Variants in FAM78A observed in about 807,000 individuals in gnomAD.
The protein encoded by FAM78A is protein FAM78A.
In FAM78A, 12 loss-of-function variants were observed where a neutral mutation model predicts 22.6. The ratio of observed to expected loss-of-function variants is 0.53; its 90% CI spans 0.34 to 0.86. The LOEUF (loss-of-function observed/expected upper bound fraction) is 0.86, where lower values mean the gene tolerates loss of function less well. Among genes scored for constraint, FAM78A ranks in the 40% least tolerant of loss-of-function variants. The pLI, the probability that FAM78A is intolerant of heterozygous loss-of-function variation, is 0.02. For missense variants in FAM78A, 322 were observed against 396.1 expected, an observed-to-expected ratio of 0.81 and a Z score of 1.59; for synonymous variants, 151 against 155.8, an observed-to-expected ratio of 0.97 and a Z score of 0.23.
At position 131,261,032 on chromosome 9, in the gene FAM78A, C is replaced by A; in HGVS notation, c.642G>T (p.Gln214His). 6.2e-7 allele frequency: 1 copy of A among 1,614,114 alleles called. No homozygotes were observed. The highest frequency in any genetic ancestry group is 1.7e-5 in the Admixed American group (1 of 60,016). The change falls in exon 2 of 2, where the codon CAG (glutamine) becomes CAT (histidine). Residue 214 changes from glutamine to histidine, a missense_variant. Coordinates refer to ENST00000372271, the MANE Select transcript of FAM78A (RefSeq NM_033387.4). This position sits in a 1 kb window ranked among gnomAD's most constrained non-coding sequence, Gnocchi z 7.1. ...GGTTGGGGTTCACCTCGATGCTGAG[C>A]TGCATGCGCCAGTGCAGCGTCTGCA... is the stretch of plus-strand genomic sequence containing the variant. Reference protein sequence around the residue: ...IILQTLHWRMQLSIEVNPNRP... With the variant: ...IILQTLHWRMHLSIEVNPNRP...
chr9:131,278,972 G>C (rs1183342709), upstream of FAM78A, among the ~76,000 whole-genome samples: 1 of 152,246 alleles, frequency 6.6e-6, no homozygotes, highest in Non-Finnish European at 1.5e-5. Context: ...TCCTTTGAGG[G>C]GTTAACAACC....
At chr9:131,273,575 A>G (rs1835444837) in intron 1 of FAM78A, among the ~76,000 whole-genome samples, 1 of 152,258 alleles carries the variant, frequency 6.6e-6, no homozygotes, top group Non-Finnish European at 1.5e-5. Context: ...ACTGCTTTAA[A>G]AAGTTTTAAA....
intron 1 of FAM78A, among the ~76,000 whole-genome samples, chr9:131,273,609 C>G (rs140200488): frequency 6.6e-6 from 1 of 152,326 alleles, no homozygotes; most frequent in Non-Finnish European, 1.5e-5. Flanking sequence ...CCCTACGTGA[C>G]AGAGAAAGAC....
intron 1 of FAM78A, among the ~76,000 whole-genome samples, chr9:131,267,958 A>G (rs1309242398): frequency 6.6e-6 from 1 of 151,338 alleles, no homozygotes; most frequent in African/African-American, 2.4e-5. Context: ...AGGTTGAGGC[A>G]GGAGAATGGC....
chr9:131,274,529 G>A lies in FAM78A; in HGVS notation c.323+1328C>T, dbSNP rs78510087. ...AGAAATCAGGCTGGTGGAGAGGGCC[G>A]GTGAGAGCCTCTAGATGTGCCCCCC... On this transcript the variant is annotated intron_variant, in intron 1 of 1. Coordinates refer to ENST00000372271, the MANE Select transcript of FAM78A (RefSeq NM_033387.4). This position sits in a 1 kb window ranked among gnomAD's most constrained non-coding sequence, Gnocchi z 4.2. Among the ~76,000 whole-genome samples the A allele has an allele frequency of 5.0e-3, 768 of 152,290 alleles. 12 individuals are homozygous for A. Among genetic ancestry groups the A allele is most frequent in the African/African-American group, 0.018 (738 of 41,542 alleles).
chr9:131,268,208 G>C (rs968321596), intron 1 of FAM78A, among the ~76,000 whole-genome samples: 13 of 152,172 alleles, frequency 8.5e-5, no homozygotes, highest in African/African-American at 2.9e-4. Flanking sequence ...TTTATAATCT[G>C]ATAAAATTTG....
In FAM78A at chr9:131,270,999, G is replaced by GCCTTTTTTTTTTTT. The variant is rs1311041330; in HGVS notation, c.323+4857_323+4858insAAAAAAAAAAAAGG. ...ACCCCTGCCCTGTCCTTTCCCACCAGTCTTTTTTTTTTTTTTTTTTTTTTG... is the reference window on the plus strand; with the variant it reads ...ACCCCTGCCCTGTCCTTTCCCACCAGCCTTTTTTTTTTTTTCTTTTTTTTTTTTTTTTTTTTTTG... On this transcript the variant is annotated intron_variant, in intron 1 of 1. Transcript: ENST00000372271. Among the ~76,000 whole-genome samples the GCCTTTTTTTTTTTT allele has an allele frequency of 3.0e-5, 4 of 131,964 alleles. 2 individuals are homozygous for GCCTTTTTTTTTTTT. The highest frequency in any genetic ancestry group is 1.2e-4 in the African/African-American group (4 of 34,312). The allele number at this position is 131,964 out of a possible 152,430, so 86.6% of individuals were successfully genotyped here.
In FAM78A at chr9:131,258,934, C is replaced by CAGT. The variant is rs1835223602; in HGVS notation, c.*1887_*1888insACT. 1 of 152,536 alleles carries CAGT rather than the reference C, an allele frequency of 6.6e-6. No individual in the cohort carries two copies. The highest frequency in any genetic ancestry group is 1.5e-5 in the Non-Finnish European group (1 of 68,040). 9.4% of individuals were successfully genotyped at this position (152,536 alleles called of 1,614,324 possible). A position where few individuals can be genotyped will look rare whatever the true frequency, so the allele number is the denominator to read the frequency against. ...CCAGCCCAGTGTGTCCCAGGACAGC[C>CAGT]TCCTGGCACGAGCTGGGCCCGGAGA... is the stretch of plus-strand genomic sequence containing the variant. On this transcript the variant is annotated 3_prime_UTR_variant, in exon 2 of 2. Transcript: ENST00000372271.
chr9:131,260,585 A>G lies in FAM78A; in HGVS notation c.*237T>C, dbSNP rs1039274751. On this transcript the variant is annotated 3_prime_UTR_variant, in exon 2 of 2. Coordinates refer to ENST00000372271, the MANE Select transcript of FAM78A (RefSeq NM_033387.4). The surrounding 1 kb of genome is among the most constrained non-coding windows in gnomAD (Gnocchi z 5.4). ...GAAAAAGGAGAGGCAAGGAGACCAG[A>G]GGTCACCCTGAGGGCGCACGTGGGG... 1.7e-5 allele frequency: 7 copies of G among 410,322 alleles called. No individual in the cohort carries two copies. The highest frequency in any genetic ancestry group is 4.3e-6 in the Non-Finnish European group (1 of 233,346). The allele number at this position is 410,322 out of a possible 1,614,324, so 25.4% of individuals were successfully genotyped here.
Position 131,276,089 on chromosome 9 carries a change from C to G in FAM78A, c.91G>C (p.Ala31Pro). 1 of 1,613,834 alleles carries G rather than the reference C, an allele frequency of 6.2e-7. No individual in the cohort carries two copies. Among genetic ancestry groups the G allele is most frequent in the Non-Finnish European group, 8.5e-7 (1 of 1,180,026 alleles). Residue 31 changes from alanine to proline, a missense_variant, in exon 1 of 2, where the codon GCC becomes CCC. Coordinates refer to ENST00000372271, the MANE Select transcript of FAM78A (RefSeq NM_033387.4). The surrounding 1 kb of genome is among the most constrained non-coding windows in gnomAD (Gnocchi z 4.3). ...MGCIQSIGGK[A>P]RVFREGITVI... ...GTGATCCCTTCCCGGAAGACTCTGG[C>G]TTTGCCTCCGATGCTCTGAATACAG...
Position 131,265,497 on chromosome 9 carries a change from C to A in FAM78A, c.324-4147G>T, listed in dbSNP as rs999029490. Among the ~76,000 whole-genome samples, 1 of 152,234 alleles carries A rather than the reference C, an allele frequency of 6.6e-6. No homozygotes were observed. The highest frequency in any genetic ancestry group is 1.5e-5 in the Non-Finnish European group (1 of 68,044). On this transcript the variant is annotated intron_variant, in intron 1 of 1. Transcript: ENST00000372271. This position sits in a 1 kb window ranked among gnomAD's most constrained non-coding sequence, Gnocchi z 4.3. The stretch of plus-strand genomic sequence containing the variant: ...CTCCTGACCTCAGGTAACCCACCCA[C>A]CTCAGCCTCTCACAGTGCTGGGATT...
intron 1 of FAM78A, among the ~76,000 whole-genome samples, chr9:131,270,903 T>C (rs920233777): frequency 6.6e-6 from 1 of 150,568 alleles, no homozygotes; most frequent in African/African-American, 2.5e-5. Flanking sequence ...AGACGGCAGG[T>C]GGGAAGGCGC....
chr9:131,271,442 G>A (rs757554693), intron 1 of FAM78A, among the ~76,000 whole-genome samples: 17 of 152,286 alleles, frequency 1.1e-4, no homozygotes, highest in Non-Finnish European at 1.6e-4. Flanking sequence ...TGAGGTGCTG[G>A]GCTAAGGTCT....
At position 131,276,349 on chromosome 9, in the gene FAM78A, GCTCT is replaced by G. The variant is rs747996282; in HGVS notation, c.-174_-171del. 3.5e-4 allele frequency: 197 copies of G among 566,378 alleles called. No individual in the cohort carries two copies. In the Middle Eastern group the frequency reaches 4.7e-3, roughly 14 times the overall value. 35.1% of individuals were successfully genotyped at this position (566,378 alleles called of 1,614,324 possible). On this transcript the variant is annotated 5_prime_UTR_variant, in exon 1 of 2. It removes the in-frame stop codon of an upstream open reading frame in the 5' UTR. Coordinates refer to ENST00000372271, the MANE Select transcript of FAM78A (RefSeq NM_033387.4). This position sits in a 1 kb window ranked among gnomAD's most constrained non-coding sequence, Gnocchi z 4.3. Reference sequence around the variant, plus strand: ...TTCTGCTGCATTTCATGAGCCCTGGGCTCTCTCTTCTTCTCCTCGCAGTGGACAA... The same window carrying G: ...TTCTGCTGCATTTCATGAGCCCTGGGCTCTTCTTCTCCTCGCAGTGGACAA...
rs1320179435 is a variant in FAM78A, at chr9:131,276,071, C to T, written c.109G>A (p.Gly37Arg). The T allele has an allele frequency of 6.2e-7, 1 of 1,613,848 alleles. No individual in the cohort carries two copies. The highest frequency in any genetic ancestry group is 8.5e-7 in the Non-Finnish European group (1 of 1,180,030). ...IGGKARVFRE[G>R]ITVIDVKASI... The stretch of plus-strand genomic sequence containing the variant: ...GCTTTCACATCAATCACCGTGATCC[C>T]TTCCCGGAAGACTCTGGCTTTGCCT... Residue 37 changes from glycine to arginine, a missense_variant, in exon 1 of 2, where the codon GGG (glycine) becomes AGG (arginine). Coordinates refer to ENST00000372271, the MANE Select transcript of FAM78A (RefSeq NM_033387.4). The surrounding 1 kb of genome is among the most constrained non-coding windows in gnomAD (Gnocchi z 4.3).
chr9:131,270,517 C>A (rs1185548104), intron 1 of FAM78A: 1 of 715,464 alleles, frequency 1.4e-6, no homozygotes, highest in African/African-American at 1.7e-5. Flanking sequence ...GCAGCAATCC[C>A]TTGGCCAGGG....
Position 131,276,184 on chromosome 9 carries a change from A to G in FAM78A, c.-5T>C, listed in dbSNP as rs551924044. The G allele has an allele frequency of 9.9e-6, 16 of 1,610,230 alleles. No individual in the cohort carries two copies. The East Asian group carries it at 2.7e-4, about 27-fold the overall frequency. Reference sequence around the variant, plus strand: ...GTCACAGAAAAAACCAGGCATTGAAAGGACAGAGGCTGCAGGACCCAGTAC... The same window carrying G: ...GTCACAGAAAAAACCAGGCATTGAAGGGACAGAGGCTGCAGGACCCAGTAC... On this transcript the variant is annotated 5_prime_UTR_variant, in exon 1 of 2. Coordinates refer to ENST00000372271, the MANE Select transcript of FAM78A (RefSeq NM_033387.4). The surrounding 1 kb of genome is among the most constrained non-coding windows in gnomAD (Gnocchi z 4.3).
chr9:131,267,107 G>A (rs908224500), intron 1 of FAM78A, among the ~76,000 whole-genome samples: 2 of 152,296 alleles, frequency 1.3e-5, no homozygotes, highest in Middle Eastern at 3.4e-3. Flanking sequence ...GTGAGAGGCC[G>A]GGTCCAAGGT....
At chr9:131,268,323 C>T (rs73656108) in intron 1 of FAM78A, among the ~76,000 whole-genome samples, 6 of 152,250 alleles carry the variant, frequency 3.9e-5, no homozygotes, top group South Asian at 2.1e-4. Context: ...ACATCCCCCC[C>T]GCACTGCCGC....
Sources: allele counts gnomAD v4.1 joint callset (sites outside exome capture counted in the v4.1 genomes callset), GRCh38; gene constraint gnomAD v4.1.1; non-coding constraint Gnocchi (gnomAD v3.1); transcripts MANE v1.5; gene names NCBI Gene and HGNC (gene_info 2026-07-23, HGNC 2026-07-21).